Variants in SAMD5 observed in about 807,000 individuals in gnomAD.
SAMD5 encodes the protein sterile alpha motif domain-containing protein 5.
SAMD5 carries 13 observed loss-of-function variants against 11.3 expected under a neutral mutation model. The ratio of observed to expected loss-of-function variants is 1.15; its 90% CI spans 0.75 to 1.83. SAMD5 has a LOEUF of 1.83. Ranked by LOEUF, SAMD5 falls within the 40% of genes most tolerant of loss-of-function variation. The pLI is 0.00. For missense variants in SAMD5, 255 were observed against 239.1 expected, an observed-to-expected ratio of 1.07 and a Z score of -0.44; for synonymous variants, 129 against 111.3, an observed-to-expected ratio of 1.16 and a Z score of -1.00.
the SAMD5 span, among the ~76,000 whole-genome samples, chr6:147,951,753 TAGAG>T: frequency 6.6e-6 from 1 of 152,220 alleles, no homozygotes; most frequent in South Asian, 2.1e-4. Flanking sequence ...TTCAGTCATA[TAGAG>T]CCACAGTCCC....
chr6:147,678,935 G>T (rs73010172), intron 1 of SAMD5, among the ~76,000 whole-genome samples: 17,428 of 152,062 alleles, frequency 0.11, 1,086 homozygotes, highest in Middle Eastern at 0.16. Flanking sequence ...CTCCAAAAGT[G>T]TATTGTTGTA....
chr6:147,661,723 G>A (rs765046745), intron 1 of SAMD5, among the ~76,000 whole-genome samples: 10 of 152,114 alleles, frequency 6.6e-5, no homozygotes, highest in Non-Finnish European at 1.3e-4. Context: ...TCTGCCTCCC[G>A]GGTTTAAGCG....
chr6:147,530,721 G>A (rs539597116), intron 1 of SAMD5, among the ~76,000 whole-genome samples: 1 of 152,326 alleles, frequency 6.6e-6, no homozygotes, highest in African/African-American at 2.4e-5. Context: ...AGAGAGCAAA[G>A]GTGCAAATGG....
At chr6:147,769,103 T>C in the SAMD5 span, among the ~76,000 whole-genome samples, 1 of 152,194 alleles carries the variant, frequency 6.6e-6, no homozygotes, top group East Asian at 1.9e-4. Context: ...GCCTCTGGCA[T>C]TGTAAGGTGA....
At chr6:147,620,388 C>A (rs551945382) in intron 1 of SAMD5, among the ~76,000 whole-genome samples, 4 of 152,342 alleles carry the variant, frequency 2.6e-5, no homozygotes, top group African/African-American at 9.6e-5. Flanking sequence ...GCGCTGCTCT[C>A]ACAATGAAGG....
intron 1 of SAMD5, among the ~76,000 whole-genome samples, chr6:147,582,841 T>C (rs983048592): frequency 6.6e-6 from 1 of 152,194 alleles, no homozygotes; most frequent in Non-Finnish European, 1.5e-5. Context: ...ACTGTGTTCA[T>C]TGGCCCAGTG....
the SAMD5 span, among the ~76,000 whole-genome samples, chr6:147,785,501 C>T: frequency 6.6e-6 from 1 of 152,174 alleles, no homozygotes; most frequent in African/African-American, 2.4e-5. Context: ...CCACACCAGC[C>T]AAATCGCCAA....
chr6:147,850,873 TC>T, the SAMD5 span, among the ~76,000 whole-genome samples: 1 of 151,738 alleles, frequency 6.6e-6, no homozygotes, highest in African/African-American at 2.4e-5. Flanking sequence ...GTGCTTGTGT[TC>T]AAACCACCCT....
downstream of SAMD5, among the ~76,000 whole-genome samples, chr6:147,574,171 A>AATTGAGTAATT (rs1789181068): frequency 2.0e-5 from 3 of 152,114 alleles, no homozygotes; most frequent in Non-Finnish European, 4.4e-5. Flanking sequence ...TCAATTACAA[A>AATTGAGTAATT]ACACAAACAT....
chr6:147,582,131 G>T (rs1290698070), intron 1 of SAMD5, among the ~76,000 whole-genome samples: 1 of 89,778 alleles, frequency 1.1e-5, no homozygotes, highest in East Asian at 4.3e-4. Flanking sequence ...GGCCAAGGTG[G>T]GTGGATCATC....
chr6:147,721,349 C>G (rs1319926431), intron 1 of SAMD5, among the ~76,000 whole-genome samples: 1 of 151,728 alleles, frequency 6.6e-6, no homozygotes, highest in Admixed American at 6.6e-5. Flanking sequence ...TCCACATCCT[C>G]TCCAGCACCT....
At chr6:147,732,375 C>A (rs1791728121) in intron 1 of SAMD5, among the ~76,000 whole-genome samples, 1 of 152,124 alleles carries the variant, frequency 6.6e-6, no homozygotes, top group African/African-American at 2.4e-5. Context: ...TTTAGGTTTG[C>A]TAATAATTCT....
intron 1 of SAMD5, among the ~76,000 whole-genome samples, chr6:147,654,996 A>T (rs1025422163): frequency 2.0e-5 from 3 of 152,132 alleles, no homozygotes; most frequent in East Asian, 3.9e-4. Context: ...GATTCACCAC[A>T]TGTGTGTTTA....
chr6:147,923,708 C>T, the SAMD5 span, among the ~76,000 whole-genome samples: 5 of 152,140 alleles, frequency 3.3e-5, no homozygotes, highest in African/African-American at 9.7e-5. Context: ...TTTCAGTACA[C>T]GATGTGGTTC....
the SAMD5 span, among the ~76,000 whole-genome samples, chr6:147,936,982 G>A: frequency 1.4e-3 from 216 of 152,250 alleles, 1 homozygote; most frequent in Non-Finnish European, 1.8e-3. Flanking sequence ...AGGGGAGGAC[G>A]AGGGCAGGAA....
the SAMD5 span, among the ~76,000 whole-genome samples, chr6:147,832,609 C>T: frequency 2.0e-5 from 3 of 152,292 alleles, no homozygotes; most frequent in East Asian, 1.9e-4. Flanking sequence ...AGTCACACCC[C>T]GTTCCAGACC....
the SAMD5 span, among the ~76,000 whole-genome samples, chr6:147,940,439 G>C: frequency 6.6e-6 from 1 of 152,182 alleles, no homozygotes; most frequent in Non-Finnish European, 1.5e-5. Context: ...GCGCCCTGCT[G>C]TATGCTTTTA....
chr6:147,889,561 G>C, the SAMD5 span, among the ~76,000 whole-genome samples: 8 of 152,298 alleles, frequency 5.3e-5, no homozygotes, highest in East Asian at 1.5e-3. Context: ...CTTATTGGTT[G>C]CTGGATATTT....
the SAMD5 span, among the ~76,000 whole-genome samples, chr6:147,950,126 A>G: frequency 8.5e-5 from 13 of 152,236 alleles, no homozygotes; most frequent in Non-Finnish European, 1.6e-4. Flanking sequence ...GAAGGCATTG[A>G]AATTTTCACG....
Sources: gnomAD v4.1 joint callset for allele counts (sites outside exome capture counted in the v4.1 genomes callset) on GRCh38, gnomAD v4.1.1 for gene constraint, MANE v1.5 for transcripts, NCBI Gene and HGNC (gene_info 2026-07-23, HGNC 2026-07-21) for gene names.